IRF3: variants seen among roughly 807,000 people sequenced by gnomAD.
IRF3 encodes the protein interferon regulatory factor 3.
In IRF3, 29 loss-of-function variants were observed where a neutral mutation model predicts 43.2. The observed-to-expected ratio is 0.67, with a 90% CI of 0.50 to 0.91. IRF3 has a LOEUF of 0.91. Ranked by LOEUF, IRF3 falls within the 40% of genes least tolerant of loss-of-function variation. The pLI is 0.00. For synonymous variants in IRF3, 228 were observed against 233.9 expected (o/e 0.97, Z 0.23); for missense variants, 505 against 559.1 (o/e 0.90, Z 0.98).
intron 7 of IRF3, among the ~76,000 whole-genome samples, 196 bp from the exon 8 acceptor site, chr19:49,660,029 C>CACACATACACA (rs1568452113): frequency 6.2e-5 from 3 of 48,556 alleles, no homozygotes; most frequent in African/African-American, 5.7e-4. Context: ...ACACACACAC[C>CACACATACACA]CCCTGCTGTA....
chr19:49,662,731 C>T, intron 4 of IRF3, 114 bp from the exon 5 acceptor site: 2 of 848,430 alleles, frequency 2.4e-6, no homozygotes, highest in Non-Finnish European at 3.6e-6. Flanking sequence ...GCTCTGCCTT[C>T]AAGGGGCTTC....
intron 5 of IRF3, 46 bp from the exon 6 acceptor site, chr19:49,662,374 C>T (rs572659140): frequency 1.2e-6 from 2 of 1,602,980 alleles, no homozygotes; most frequent in African/African-American, 2.7e-5. Context: ...GGTTGAGAAT[C>T]AGGGGCTGCC....
At position 49,660,845 on chromosome 19, in the gene IRF3, C is replaced by T; in HGVS notation, c.983-17G>A. On this transcript the variant is annotated splice_polypyrimidine_tract_variant and intron_variant, in intron 6 of 7. Coordinates refer to ENST00000377139, the MANE Select transcript of IRF3 (RefSeq NM_001571.6). Reference sequence around the variant, plus strand: ...TAATCAGATCTGGGGGCCCAGGAGCCTAGTCAGGGATGAGAAGAGGACCCT... The same window carrying T: ...TAATCAGATCTGGGGGCCCAGGAGCTTAGTCAGGGATGAGAAGAGGACCCT... 6.3e-7 allele frequency: 1 copy of T among 1,578,008 alleles called. No homozygotes were observed. The highest frequency in any genetic ancestry group is 1.9e-5 in the Admixed American group (1 of 53,542).
Position 49,664,359 on chromosome 19 carries a change from TC to T in IRF3, c.165+314del, listed in dbSNP as rs990086012. 7.9e-6 allele frequency: 8 copies of T among 1,010,036 alleles called. No homozygotes were observed. In the African/African-American group the frequency reaches 1.3e-4, roughly 16 times the overall value. 62.6% of individuals were successfully genotyped at this position (1,010,036 alleles called of 1,614,324 possible). A position where few individuals can be genotyped will look rare whatever the true frequency, so the allele number is the denominator to read the frequency against. ...CTCACCTCTGATGTTTCAAGAACCA[TC>T]CCCCAGTATCTATCCTACAACCAAG... On this transcript the variant is annotated intron_variant, in intron 2 of 7. Coordinates refer to ENST00000377139, the MANE Select transcript of IRF3 (RefSeq NM_001571.6).
At position 49,665,493 on chromosome 19, in the gene IRF3, C is replaced by T. The variant is rs563529409; in HGVS notation, c.-9+138G>A. ...TTTTTCTGCAGCCGACCTCCAGCGT[C>T]GGCCACTGTAGCTCCTTCCTTGCTC... On this transcript the variant is annotated intron_variant, in intron 1 of 7. Coordinates refer to ENST00000377139, the MANE Select transcript of IRF3 (RefSeq NM_001571.6). 177 of 247,224 alleles carry T rather than the reference C, an allele frequency of 7.2e-4. 1 individual carries two copies. The highest frequency in any genetic ancestry group is 3.5e-3 in the African/African-American group (159 of 44,972). The allele number at this position is 247,224 out of a possible 1,614,324, so 15.3% of individuals were successfully genotyped here.
At position 49,662,163 on chromosome 19, in the gene IRF3, C is replaced by G; in HGVS notation, c.767G>C (p.Gly256Ala). The change falls in exon 6 of 8, where the codon GGA becomes GCA. Residue 256 changes from glycine to alanine, a missense_variant. Coordinates refer to ENST00000377139, the MANE Select transcript of IRF3 (RefSeq NM_001571.6). ...PDPGMSLTDR[G>A]VMSYVRHVLS... ...CACATGCCTCACGTAGCTCATCACT[C>G]CCCTGTCTGTCAGGGACATGCCAGG... is the stretch of plus-strand genomic sequence containing the variant. The G allele has an allele frequency of 6.2e-7, 1 of 1,614,162 alleles. No homozygotes were observed. Among genetic ancestry groups the G allele is most frequent in the South Asian group, 1.1e-5 (1 of 91,090 alleles).
rs1260438913 is a variant in IRF3 at position 49,664,835 on chromosome 19, C to A, written c.4G>T (p.Gly2Ter). ...GGCAGGATCCGTGGCTTTGGGGTTC[C>A]CATGGTCCGGCCTGCGCGTATAGGG... The part of the protein sequence containing the change: M[G>*]TPKPRILPWL... The change falls in exon 2 of 8, where the codon GGA becomes TGA. Residue 2 changes from glycine (G) to a stop codon, truncating the protein, a stop_gained. Transcript: ENST00000377139. LOFTEE classifies it high-confidence loss of function. 6.2e-7 allele frequency: 1 copy of A among 1,612,242 alleles called. No individual in the cohort carries two copies. The highest frequency in any genetic ancestry group is 8.5e-7 in the Non-Finnish European group (1 of 1,179,298).
Position 49,665,838 on chromosome 19 carries a change from TG to T in IRF3, c.-217del, listed in dbSNP as rs2081711617. 5.6e-6 allele frequency: 9 copies of T among 1,596,926 alleles called. No homozygotes were observed. Among genetic ancestry groups the T allele is most frequent in the African/African-American group, 2.7e-5 (2 of 74,632 alleles). On this transcript the variant is annotated 5_prime_UTR_variant, in exon 1 of 8. Coordinates refer to ENST00000377139, the MANE Select transcript of IRF3 (RefSeq NM_001571.6). ...CCCAAAAGCCGATGGGACGGCCCGC[TG>T]GGCTGTTCCCGCCCCTATGCCCTTT...
Position 49,665,744 on chromosome 19 carries a change from A to G in IRF3, c.-122T>C. 6.6e-7 allele frequency: 1 copy of G among 1,515,306 alleles called. No homozygotes were observed. The highest frequency in any genetic ancestry group is 8.9e-7 in the Non-Finnish European group (1 of 1,126,924). 93.9% of individuals were successfully genotyped at this position (1,515,306 alleles called of 1,614,324 possible). ...CCCTTTCCCGTCAGCTGAGCTCTAGAGCGCTGGGGCTTTCTTTTTGATCGA... is the reference window on the plus strand; with the variant it reads ...CCCTTTCCCGTCAGCTGAGCTCTAGGGCGCTGGGGCTTTCTTTTTGATCGA... On this transcript the variant is annotated 5_prime_UTR_variant, in exon 1 of 8. Coordinates refer to ENST00000377139, the MANE Select transcript of IRF3 (RefSeq NM_001571.6).
At chr19:49,661,276 C>T (rs1028167205) in intron 6 of IRF3, among the ~76,000 whole-genome samples, 21 of 152,228 alleles carry the variant, frequency 1.4e-4, no homozygotes, top group Non-Finnish European at 4.4e-5. Context: ...GCTGCTGCAC[C>T]GGACAGTGCA....
In IRF3 at chr19:49,662,271, A is replaced by C. The variant is rs139855390; in HGVS notation, c.659T>G (p.Ile220Ser). Residue 220 changes from isoleucine to serine, a missense_variant, in exon 6 of 8, where the codon ATC becomes AGC. Transcript: ENST00000377139. ...CAGCCGCAGGCCCTCCGGGCAGGAG[A>C]TGGTCTGCTGGAAGACTTGGCGGCC... is the stretch of plus-strand genomic sequence containing the variant. ...YRGRQVFQQT[I>S]SCPEGLRLVG... 4 of 1,613,880 alleles carry C rather than the reference A, an allele frequency of 2.5e-6. No homozygotes were observed. The highest frequency in any genetic ancestry group is 4.5e-5 in the East Asian group (2 of 44,882).
At chr19:49,663,870 A>G (rs2081484767) in intron 2 of IRF3, 1 of 267,920 alleles carries the variant, frequency 3.7e-6, no homozygotes, top group South Asian at 3.8e-5. Context: ...TAATTTTTGT[A>G]TTTTTAGTAG....
intron 7 of IRF3, among the ~76,000 whole-genome samples, chr19:49,660,079 TAC>T (rs961074571): frequency 1.4e-5 from 2 of 145,144 alleles, no homozygotes; most frequent in Non-Finnish European, 3.0e-5. Flanking sequence ...GTTGTAGTTT[TAC>T]ACACACACAC....
intron 6 of IRF3, chr19:49,661,553 C>G (rs68046065): frequency 0.38 from 59,406 of 157,116 alleles, 14,521 homozygotes; most frequent in African/African-American, 0.71. Context: ...GGGCAGCCAG[C>G]GTCTGAATTC....
chr19:49,662,610 A>G lies in IRF3; in HGVS notation c.416T>C (p.Ile139Thr). 1 of 1,527,004 alleles carries G rather than the reference A, an allele frequency of 6.5e-7. No homozygotes were observed. 94.6% of individuals were successfully genotyped at this position (1,527,004 alleles called of 1,614,324 possible). The change falls in exon 5 of 8, where the codon ATT becomes ACT. Residue 139 changes from isoleucine to threonine, a missense_variant. Coordinates refer to ENST00000377139, the MANE Select transcript of IRF3 (RefSeq NM_001571.6). The part of the protein sequence containing the change: ...GGSTSDTQED[I>T]LDELLGNMVL... ...CATGTTACCCAGTAACTCATCCAGA[A>G]TGTCTTCCTGGAGGGAAACAAAAAA...
At position 49,663,261 on chromosome 19, in the gene IRF3, G is replaced by T. The variant is rs371293376; in HGVS notation, c.338-3C>A. 3 of 1,614,132 alleles carry T rather than the reference G, an allele frequency of 1.9e-6. No individual in the cohort carries two copies. Among genetic ancestry groups the T allele is most frequent in the Middle Eastern group, 1.7e-4 (1 of 6,060 alleles). On this transcript the variant is annotated splice_region_variant and splice_polypyrimidine_tract_variant and intron_variant, in intron 3 of 7. Coordinates refer to ENST00000377139, the MANE Select transcript of IRF3 (RefSeq NM_001571.6). ...TGGCTGGGAAAAGTCCCCAACTCCT[G>T]TTGAGAAAAGTGGTGAGGGGAGTAG...
chr19:49,662,295 C>A lies in IRF3; in HGVS notation c.635G>T (p.Gly212Val). Reference protein sequence around the residue: ...WEFEVTAFYRGRQVFQQTISC... With the variant: ...WEFEVTAFYRVRQVFQQTISC... ...GATGGTCTGCTGGAAGACTTGGCGGCCCCGGTAGAAGGCTGTCACCTCGAA... is the reference window on the plus strand; with the variant it reads ...GATGGTCTGCTGGAAGACTTGGCGGACCCGGTAGAAGGCTGTCACCTCGAA... Residue 212 changes from glycine to valine, a missense_variant, in exon 6 of 8, where the codon GGC becomes GTC. Transcript: ENST00000377139. 1 of 1,613,628 alleles carries A rather than the reference C, an allele frequency of 6.2e-7. No individual in the cohort carries two copies. Among genetic ancestry groups the A allele is most frequent in the Non-Finnish European group, 8.5e-7 (1 of 1,180,026 alleles).
At chr19:49,660,404 A>G (rs933810597) in intron 7 of IRF3, among the ~76,000 whole-genome samples, 4 of 152,154 alleles carry the variant, frequency 2.6e-5, no homozygotes, top group Non-Finnish European at 5.9e-5. Context: ...AGAGAATCTA[A>G]TGCCTGATGA....
rs537557084 is a variant in IRF3, at chr19:49,664,767, C to T, written c.72G>A (p.Val24=). The T allele has an allele frequency of 9.0e-5, 145 of 1,614,012 alleles. 1 individual carries two copies. The South Asian group carries it at 1.6e-3, about 17-fold the overall frequency. ...SQLDLGQLEG[V]AWVNKSRTRF... ...GCGTGCGGCTCTTGTTCACCCAGGC[C>T]ACGCCCTCCAGTTGCCCCAGGTCCA... is the stretch of plus-strand genomic sequence containing the variant. The change falls in exon 2 of 8, where the codon GTG becomes GTA. Residue 24 remains valine (V), a synonymous_variant. Transcript: ENST00000377139.
Sources: gnomAD v4.1 joint callset for allele counts (sites outside exome capture counted in the v4.1 genomes callset) on GRCh38, gnomAD v4.1.1 for gene constraint, MANE v1.5 for transcripts, NCBI Gene and HGNC (gene_info 2026-07-23, HGNC 2026-07-21) for gene names.